The following MYB variants were observed in gnomAD, a reference collection of about 807,000 sequenced individuals.
MYB encodes transcriptional activator Myb.
MYB carries 28 observed loss-of-function variants against 92.9 expected under a neutral mutation model. The observed-to-expected ratio is 0.30, with a 90% confidence interval of 0.22 to 0.41. MYB has a LOEUF of 0.41. Ranked by LOEUF, MYB falls within the 10% of genes least tolerant of loss-of-function variation. MYB has a pLI of 1.00. For missense variants in MYB, 679 were observed against 929.3 expected, an observed-to-expected ratio of 0.73 and a Z score of 3.50; for synonymous variants, 295 against 329.1, an observed-to-expected ratio of 0.90 and a Z score of 1.12.
intron 15 of MYB, among the ~76,000 whole-genome samples, chr6:135,204,538 A>G (rs780215335): frequency 6.6e-6 from 1 of 152,188 alleles, no homozygotes; most frequent in South Asian, 2.1e-4. Context: ...CCTGGTTTCA[A>G]GTGATCTGCC....
At chr6:135,211,136 A>G (rs1414477043) in intron 15 of MYB, among the ~76,000 whole-genome samples, 1 of 150,122 alleles carries the variant, frequency 6.7e-6, no homozygotes, top group African/African-American at 2.5e-5. Flanking sequence ...TCATTTAAAC[A>G]GACATGGAAA....
chr6:135,189,056 G>C (rs1228554919), intron 3 of MYB, among the ~76,000 whole-genome samples: 1 of 152,100 alleles, frequency 6.6e-6, no homozygotes, highest in Non-Finnish European at 1.5e-5. Flanking sequence ...CTGGGCTTTT[G>C]CTCCTGGTCT....
chr6:135,189,159 C>T (rs1776331224), intron 3 of MYB, among the ~76,000 whole-genome samples: 1 of 152,182 alleles, frequency 6.6e-6, no homozygotes, highest in Non-Finnish European at 1.5e-5. Flanking sequence ...AGACTCCTCC[C>T]AAGGAAACCA....
chr6:135,185,852 A>C (rs763449734), intron 1 of MYB, 51 bp from the exon 2 acceptor site: 1 of 1,366,964 alleles, frequency 7.3e-7, no homozygotes, highest in South Asian at 1.2e-5. Context: ...ATCCAGTAGT[A>C]GTCTAAATCC....
chr6:135,187,993 G>A lies in MYB; in HGVS notation c.213+88G>A, dbSNP rs114671851. ...TTCTAGGAGGAGTTATTAAGATAGT[G>A]TATAATTTACTCACATTTAAGAAGT... On this transcript the variant is annotated intron_variant, in intron 3 of 15. Transcript: ENST00000341911. 5.2e-3 allele frequency: 4,762 copies of A among 920,662 alleles called. 70 individuals carry two copies. Among genetic ancestry groups the A allele is most frequent in the African/African-American group, 0.033 (1,982 of 59,800 alleles). The allele number at this position is 920,662 out of a possible 1,614,324, so 57.0% of individuals were successfully genotyped here. A position where few individuals can be genotyped will look rare whatever the true frequency, so the allele number is the denominator to read the frequency against.
chr6:135,217,564 T>G (rs1780628473), intron 15 of MYB, among the ~76,000 whole-genome samples: 1 of 152,194 alleles, frequency 6.6e-6, no homozygotes, highest in Non-Finnish European at 1.5e-5. Context: ...TGGAGAATAA[T>G]GCTCATTCCT....
rs889894338 is a variant in MYB, at chr6:135,182,409, C to G, written c.23+873C>G. On this transcript the variant is annotated intron_variant, in intron 1 of 15. Coordinates refer to ENST00000341911, the MANE Select transcript of MYB (RefSeq NM_001130173.2). The surrounding 1 kb of genome is among the most constrained non-coding windows in gnomAD (Gnocchi z 5.6). ...ACACGCCGGGGCTCCCTGCGAGCGG[C>G]GGGTGCCAGGGCTAGCTCGGCAGCC... Among the ~76,000 whole-genome samples the G allele has an allele frequency of 1.3e-5, 2 of 152,008 alleles. No individual in the cohort carries two copies. The highest frequency in any genetic ancestry group is 4.1e-4 in the South Asian group (2 of 4,824).
chr6:135,205,255 C>T (rs1461951545), intron 15 of MYB, among the ~76,000 whole-genome samples: 2 of 150,798 alleles, frequency 1.3e-5, no homozygotes, highest in Admixed American at 1.3e-4. Flanking sequence ...TAATTATTCC[C>T]ACCTAAGTTA....
intron 15 of MYB, among the ~76,000 whole-genome samples, chr6:135,215,260 A>G (rs187945902): frequency 2.0e-5 from 3 of 152,318 alleles, no homozygotes; most frequent in Admixed American, 6.5e-5. Context: ...TTTCTTTGCT[A>G]AGAAGTCTGG....
Position 135,196,968 on chromosome 6 carries a change from C to G in MYB, c.1211C>G (p.Ser404Ter), listed in dbSNP as rs1398079979. 1 of 1,611,966 alleles carries G rather than the reference C, an allele frequency of 6.2e-7. No homozygotes were observed. The highest frequency in any genetic ancestry group is 2.2e-5 in the East Asian group (1 of 44,878). Residue 404 changes from serine to a stop codon, truncating the protein, a stop_gained, in exon 10 of 16, where the codon TCA (serine) becomes TGA (stop). Coordinates refer to ENST00000341911, the MANE Select transcript of MYB (RefSeq NM_001130173.2). LOFTEE classifies it high-confidence loss of function. Reference sequence around the variant, plus strand: ...CCTCCCACATTGTTTCAGGATTCTTCATCATGGTGTGATCTCAGCAGTTTT... The same window carrying G: ...CCTCCCACATTGTTTCAGGATTCTTGATCATGGTGTGATCTCAGCAGTTTT... ...ETLQFIDSDS[S>*]SWCDLSSFEF...
intron 6 of MYB, among the ~76,000 whole-genome samples, chr6:135,192,984 A>G (rs551903193): frequency 1.3e-5 from 2 of 152,244 alleles, no homozygotes; most frequent in East Asian, 3.9e-4. Context: ...AAGAGGAGAG[A>G]GTTTGACACT....
At chr6:135,210,944 G>A (rs959843774) in intron 15 of MYB, among the ~76,000 whole-genome samples, 1 of 151,912 alleles carries the variant, frequency 6.6e-6, no homozygotes, top group South Asian at 2.1e-4. Flanking sequence ...TTTCATTGTG[G>A]TATATTATTT....
At chr6:135,185,468 T>A (rs918947315) in intron 1 of MYB, among the ~76,000 whole-genome samples, 1 of 152,246 alleles carries the variant, frequency 6.6e-6, no homozygotes, top group Non-Finnish European at 1.5e-5. Context: ...TTGAATTGTT[T>A]ATTATGTTTG....
chr6:135,183,873 A>G (rs187004106), intron 1 of MYB, among the ~76,000 whole-genome samples: 1 of 152,340 alleles, frequency 6.6e-6, no homozygotes, highest in African/African-American at 2.4e-5. Context: ...CCTTAGAAAT[A>G]GGATCCAAGC....
At chr6:135,200,056 T>G (rs764752865) in intron 11 of MYB, 29 bp from the exon 12 acceptor site, 37 of 1,519,326 alleles carry the variant, frequency 2.4e-5, no homozygotes, top group Non-Finnish European at 3.3e-5. Flanking sequence ...TTCTTTTGTA[T>G]TGAGCCACTG....
At chr6:135,193,774 C>A in intron 6 of MYB, 64 bp from the exon 7 acceptor site, 1 of 1,122,292 alleles carries the variant, frequency 8.9e-7, no homozygotes, top group South Asian at 1.4e-5. Context: ...CCTCAGGAAG[C>A]CAAGTCCCCT....
At chr6:135,207,066 A>C (rs1017703558) in intron 15 of MYB, among the ~76,000 whole-genome samples, 2 of 152,164 alleles carry the variant, frequency 1.3e-5, no homozygotes, top group Admixed American at 1.3e-4. Flanking sequence ...TATTTCATAT[A>C]TTTCTATTGA....
At chr6:135,198,455 T>A (rs1029613716) in intron 10 of MYB, among the ~76,000 whole-genome samples, 2 of 152,250 alleles carry the variant, frequency 1.3e-5, no homozygotes, top group Non-Finnish European at 2.9e-5. Flanking sequence ...AGAGACACAG[T>A]TTATTATTCA....
intron 9 of MYB, 162 bp from the exon 10 acceptor site, chr6:135,196,799 C>T: frequency 2.6e-6 from 4 of 1,565,896 alleles, no homozygotes; most frequent in Non-Finnish European, 3.4e-6. Flanking sequence ...CCCTGCTCTA[C>T]TGCAGTATAA....
Sources: gnomAD v4.1 joint callset for allele counts (sites outside exome capture counted in the v4.1 genomes callset) on GRCh38, gnomAD v4.1.1 for gene constraint, Gnocchi (gnomAD v3.1) non-coding constraint, MANE v1.5 for transcripts, NCBI Gene and HGNC (gene_info 2026-07-23, HGNC 2026-07-21) for gene names.